ITGA9: variants seen among roughly 807,000 people sequenced by gnomAD.
ITGA9 encodes integrin subunit alpha 9.
In ITGA9, 56 loss-of-function variants were observed where a neutral mutation model predicts 127.8. The ratio of observed to expected loss-of-function variants is 0.44; its 90% CI spans 0.35 to 0.55. The LOEUF (loss-of-function observed/expected upper bound fraction) is 0.55, where lower values mean the gene tolerates loss of function less well. Ranked by LOEUF, ITGA9 falls within the 20% of genes least tolerant of loss-of-function variation. The pLI is 0.00. For synonymous variants in ITGA9, 508 were observed against 514.5 expected (o/e 0.99, Z 0.17); for missense variants, 1,196 against 1,347.1 (o/e 0.89, Z 1.76).
At chr3:37,643,413 C>T (rs921022884) in intron 16 of ITGA9, among the ~76,000 whole-genome samples, 17 of 152,158 alleles carry the variant, frequency 1.1e-4, no homozygotes, top group African/African-American at 2.4e-4. Flanking sequence ...TTAACCCCAA[C>T]GGGAAAGGAG....
At chr3:37,505,876 T>C (rs1579071120) in intron 6 of ITGA9, 124 bp from the exon 7 acceptor site, 1 of 757,776 alleles carries the variant, frequency 1.3e-6, no homozygotes, top group East Asian at 2.7e-5. Context: ...TGCCATTTTT[T>C]TCCTGGTAGT....
chr3:37,526,636 T>A (rs1322312355), intron 13 of ITGA9, among the ~76,000 whole-genome samples: 4 of 152,234 alleles, frequency 2.6e-5, no homozygotes, highest in Non-Finnish European at 4.4e-5. Flanking sequence ...GCATCTCTCC[T>A]GCAAAGGCCA....
intron 14 of ITGA9, among the ~76,000 whole-genome samples, chr3:37,538,584 GC>G (rs1383472394): frequency 6.6e-6 from 1 of 152,202 alleles, no homozygotes; most frequent in Non-Finnish European, 1.5e-5. Flanking sequence ...AACTTGGACA[GC>G]CTGATCCACC....
intron 25 of ITGA9, among the ~76,000 whole-genome samples, chr3:37,784,147 T>A (rs1697010926): frequency 6.6e-6 from 1 of 152,190 alleles, no homozygotes; most frequent in Non-Finnish European, 1.5e-5. Context: ...GCTATCTGTT[T>A]CCACGACAGA....
chr3:37,743,240 C>G (rs1049274751), intron 21 of ITGA9, among the ~76,000 whole-genome samples: 1 of 152,186 alleles, frequency 6.6e-6, no homozygotes, highest in Non-Finnish European at 1.5e-5. Flanking sequence ...CAAAAATCTG[C>G]CATTGTTGTG....
intron 18 of ITGA9, among the ~76,000 whole-genome samples, chr3:37,716,954 T>C (rs148162102): frequency 6.6e-6 from 1 of 152,322 alleles, no homozygotes; most frequent in East Asian, 1.9e-4. Context: ...GTCTTGCCCT[T>C]GTTCTAATTG....
At chr3:37,481,681 C>T (rs1698557375) in intron 4 of ITGA9, 74 bp downstream of exon 4, 1 of 1,563,808 alleles carries the variant, frequency 6.4e-7, no homozygotes, top group African/African-American at 1.4e-5. Flanking sequence ...CCTCTATGCA[C>T]CACCAGCTGA....
At chr3:37,734,997 G>A (rs1046806193) in intron 19 of ITGA9, among the ~76,000 whole-genome samples, 3 of 152,206 alleles carry the variant, frequency 2.0e-5, no homozygotes, top group Non-Finnish European at 4.4e-5. Context: ...GGGGCTCCCC[G>A]TATCCGCAGC....
intron 14 of ITGA9, among the ~76,000 whole-genome samples, chr3:37,538,278 A>C (rs778242797): frequency 7.9e-5 from 12 of 152,216 alleles, no homozygotes; most frequent in Non-Finnish European, 1.8e-4. Context: ...GCTGGGAGAG[A>C]CCAGAGCTAG....
At chr3:37,759,777 T>C (rs1696701771) in intron 23 of ITGA9, among the ~76,000 whole-genome samples, 1 of 151,546 alleles carries the variant, frequency 6.6e-6, no homozygotes, top group South Asian at 2.1e-4. Context: ...CGTGGGCAGG[T>C]GCCTGTAATC....
At position 37,533,537 on chromosome 3, in the gene ITGA9, T is replaced by C. The variant is rs141622147; in HGVS notation, c.1528+69T>C. On this transcript the variant is annotated intron_variant, in intron 14 of 27. Coordinates refer to ENST00000264741, the MANE Select transcript of ITGA9 (RefSeq NM_002207.3). ...GAGTGGGCTAGTGGGATATTTCCGA[T>C]GTTCCCTGTCGCTGTTCCTCCCAGC... 104 of 1,533,828 alleles carry C rather than the reference T, an allele frequency of 6.8e-5. 1 individual carries two copies. Among genetic ancestry groups the C allele is most frequent in the South Asian group, 3.9e-4 (34 of 86,996 alleles).
intron 15 of ITGA9, among the ~76,000 whole-genome samples, chr3:37,617,407 A>T (rs1263638702): frequency 2.0e-5 from 3 of 151,950 alleles, no homozygotes; most frequent in African/African-American, 7.3e-5. Context: ...TTTTTCCTTC[A>T]TTTCAGCTTT....
intron 18 of ITGA9, among the ~76,000 whole-genome samples, chr3:37,730,715 G>T (rs1696280495): frequency 6.6e-6 from 1 of 152,222 alleles, no homozygotes; most frequent in Non-Finnish European, 1.5e-5. Context: ...TCTGAATCCT[G>T]TGCCATTTGC....
At chr3:37,751,275 T>G (rs1357890788) in intron 23 of ITGA9, among the ~76,000 whole-genome samples, 1 of 152,208 alleles carries the variant, frequency 6.6e-6, no homozygotes, top group Non-Finnish European at 1.5e-5. Context: ...CCCCTTGTCT[T>G]TGGGCTCTGC....
At position 37,614,887 on chromosome 3, in the gene ITGA9, G is replaced by C. The variant is rs554625433; in HGVS notation, c.1690-14300G>C. 3.1e-3 allele frequency among the ~76,000 whole-genome samples: 472 copies of C among 152,248 alleles called. 1 individual carries two copies. The highest frequency in any genetic ancestry group is 4.5e-3 in the Non-Finnish European group (305 of 68,016). ...TGGGCTGAGATGATGGAGTTTTCTA[G>C]ATATACAATCATGTCATCTGCAAAC... On this transcript the variant is annotated intron_variant, in intron 15 of 27. Coordinates refer to ENST00000264741, the MANE Select transcript of ITGA9 (RefSeq NM_002207.3).
intron 18 of ITGA9, among the ~76,000 whole-genome samples, chr3:37,693,703 T>C (rs1359674159): frequency 1.3e-5 from 2 of 152,180 alleles, no homozygotes; most frequent in African/African-American, 2.4e-5. Context: ...AAACTGCATC[T>C]GGGCAGGAGA....
chr3:37,452,902 C>T lies in ITGA9; in HGVS notation c.185+343C>T, dbSNP rs530627111. 5.3e-3 allele frequency among the ~76,000 whole-genome samples: 802 copies of T among 152,298 alleles called. 15 individuals are homozygous for T. Among genetic ancestry groups the T allele is most frequent in the Non-Finnish European group, 6.7e-3 (454 of 68,014 alleles). ...CTCTGAATCGAAAAGTAACTTGGCT[C>T]CTCTGCCTCCGGGCGGCCGCCGCTG... On this transcript the variant is annotated intron_variant, in intron 1 of 27. Coordinates refer to ENST00000264741, the MANE Select transcript of ITGA9 (RefSeq NM_002207.3). This position sits in a 1 kb window ranked among gnomAD's most constrained non-coding sequence, Gnocchi z 7.3.
chr3:37,504,722 G>A (rs769806734), intron 6 of ITGA9, among the ~76,000 whole-genome samples: 5 of 152,090 alleles, frequency 3.3e-5, no homozygotes, highest in Non-Finnish European at 7.4e-5. Context: ...TCAGCTGCAG[G>A]GATTATCAAG....
rs115730792 is a variant in ITGA9 at position 37,515,507 on chromosome 3, G to T, written c.1035+1607G>T. On this transcript the variant is annotated intron_variant, in intron 9 of 27. Transcript: ENST00000264741. The stretch of plus-strand genomic sequence containing the variant: ...AACCAGGGAGGTTTGGGAGGCCCAG[G>T]TGGGAGGATCACTTGAAGCCAGGAG... Among the ~76,000 whole-genome samples, 1,400 of 152,278 alleles carry T rather than the reference G, an allele frequency of 9.2e-3. 17 individuals are homozygous for T. The highest frequency in any genetic ancestry group is 0.032 in the African/African-American group (1,323 of 41,544).
Sources: gnomAD v4.1 joint callset for allele counts (sites outside exome capture counted in the v4.1 genomes callset) on GRCh38, gnomAD v4.1.1 for gene constraint, Gnocchi (gnomAD v3.1) non-coding constraint, MANE v1.5 for transcripts, NCBI Gene and HGNC (gene_info 2026-07-23, HGNC 2026-07-21) for gene names.